The following SLC12A8 variants were observed in gnomAD, a reference collection of about 807,000 sequenced individuals.
The protein encoded by SLC12A8 is cation-chloride cotransporter 9.
A neutral mutation model predicts 75.6 loss-of-function variants in SLC12A8; 69 were observed. The observed-to-expected ratio is 0.91, with a 90% CI of 0.75 to 1.11. The LOEUF (loss-of-function observed/expected upper bound fraction) is 1.11, where lower values mean the gene tolerates loss of function less well. SLC12A8 is among the 50% of genes most tolerant of loss of function. SLC12A8 has a pLI of 0.00. For synonymous variants in SLC12A8, 365 were observed against 372.8 expected (o/e 0.98, Z 0.24); for missense variants, 877 against 896.7 (o/e 0.98, Z 0.28).
chr3:125,186,857 A>G (rs1934795638), intron 4 of SLC12A8, among the ~76,000 whole-genome samples: 1 of 152,232 alleles, frequency 6.6e-6, no homozygotes, highest in Admixed American at 6.5e-5. Flanking sequence ...CACAGGCAAA[A>G]TACCCATCTT....
chr3:125,187,322 C>T lies in SLC12A8; in HGVS notation c.305G>A (p.Gly102Asp), dbSNP rs371645144. 12 of 1,614,182 alleles carry T rather than the reference C, an allele frequency of 7.4e-6. No individual in the cohort carries two copies. The Admixed American group carries it at 1.0e-4, about 13-fold the overall frequency. ...GIGVGERSSI[G>D]SGGVYSMISS... The stretch of plus-strand genomic sequence containing the variant: ...GATCATGGAGTAGACGCCACCGCTG[C>T]CGATGCTGCTGCGCTCCCCGACGCC... Residue 102 changes from glycine (G) to aspartate (D), a missense_variant, in exon 4 of 14, where the codon GGC becomes GAC. Transcript: ENST00000469902.
intron 6 of SLC12A8, among the ~76,000 whole-genome samples, chr3:125,127,400 G>A (rs1358746649): frequency 1.3e-5 from 2 of 152,198 alleles, no homozygotes; most frequent in African/African-American, 2.4e-5. Flanking sequence ...AACATTATGT[G>A]TTCTCTCTTT....
At chr3:125,165,527 C>A (rs1019799272) in intron 5 of SLC12A8, among the ~76,000 whole-genome samples, 1 of 152,318 alleles carries the variant, frequency 6.6e-6, no homozygotes, top group Non-Finnish European at 1.5e-5. Context: ...GACGATTCTA[C>A]AGAATTTTGG....
At chr3:125,116,911 G>A (rs1357429990) in intron 8 of SLC12A8, among the ~76,000 whole-genome samples, 1 of 152,168 alleles carries the variant, frequency 6.6e-6, no homozygotes, top group African/African-American at 2.4e-5. Context: ...TAGAGAACAG[G>A]CCCTTGGGAG....
At chr3:125,135,817 G>T (rs1201897959) in intron 5 of SLC12A8, 35 bp from the exon 6 acceptor site, 4 of 1,257,526 alleles carry the variant, frequency 3.2e-6, no homozygotes, top group African/African-American at 1.5e-5. Context: ...CGTAAGCCCA[G>T]TGAGAAGACA....
intron 6 of SLC12A8, among the ~76,000 whole-genome samples, chr3:125,123,304 G>A (rs952656246): frequency 2.7e-5 from 4 of 149,282 alleles, no homozygotes; most frequent in Non-Finnish European, 1.5e-5. Context: ...GAGCCCAGGA[G>A]GTAGAAGTTG....
chr3:125,110,118 T>A, intron 9 of SLC12A8, 71 bp downstream of exon 9: 3 of 1,494,414 alleles, frequency 2.0e-6, no homozygotes. Flanking sequence ...CTTAACCAAT[T>A]GATGGGCCAA....
intron 5 of SLC12A8, among the ~76,000 whole-genome samples, chr3:125,175,064 G>A (rs1016746207): frequency 3.3e-5 from 5 of 152,096 alleles, no homozygotes; most frequent in African/African-American, 1.2e-4. Context: ...GGGTATGTGG[G>A]AACTTTTGTA....
intron 13 of SLC12A8, 57 bp downstream of exon 13, chr3:125,088,253 C>A: frequency 6.4e-7 from 1 of 1,574,646 alleles, no homozygotes; most frequent in South Asian, 1.1e-5. Flanking sequence ...ACCCTTGGCA[C>A]CTCCCAGGAC....
At chr3:125,127,921 G>C (rs1186216547) in intron 6 of SLC12A8, among the ~76,000 whole-genome samples, 5 of 151,916 alleles carry the variant, frequency 3.3e-5, no homozygotes, top group African/African-American at 9.7e-5. Flanking sequence ...TTTGTCGCCA[G>C]ATTGGAGTGC....
chr3:125,203,088 CAAAAAAAAAA>C (rs758212012), intron 2 of SLC12A8, among the ~76,000 whole-genome samples: 141 of 88,448 alleles, frequency 1.6e-3, no homozygotes, highest in Non-Finnish European at 2.4e-3. Flanking sequence ...GACTTCATCT[CAAAAAAAAAA>C]AAAAAAAAAA....
rs201509993 is a variant in SLC12A8 at position 125,107,634 on chromosome 3, C to T, written c.1552G>A (p.Glu518Lys). 1,627 of 1,614,122 alleles carry T rather than the reference C, an allele frequency of 1.0e-3. 2 individuals carry two copies. The highest frequency in any genetic ancestry group is 8.5e-4 in the Non-Finnish European group (1,003 of 1,180,018). ...GCAGCGGGCAACCTGTCAGAGATCT[C>T]GACAGGGAAAGAAGGAGGGGATTTG... ...DLKSPPSFPV[E>K]ISDRLPAASW... Residue 518 changes from glutamate (E) to lysine (K), a missense_variant, in exon 10 of 14, where the codon GAG (glutamate) becomes AAG (lysine). Transcript: ENST00000469902.
intron 5 of SLC12A8, among the ~76,000 whole-genome samples, chr3:125,173,264 A>C (rs770748892): frequency 7.2e-5 from 11 of 152,124 alleles, no homozygotes; most frequent in Non-Finnish European, 8.8e-5. Flanking sequence ...ACTTACTATA[A>C]AGCTGTAGTA....
chr3:125,120,452 C>G, intron 7 of SLC12A8, 147 bp downstream of exon 7: 1 of 715,682 alleles, frequency 1.4e-6, no homozygotes, highest in Non-Finnish European at 2.5e-6. Context: ...AATTTTCCAG[C>G]CCACCGAGTG....
At position 125,107,778 on chromosome 3, in the gene SLC12A8, T is replaced by G. The variant is rs765854148; in HGVS notation, c.1408A>C (p.Arg470=). ...CTGGGCTGGCTACTCTCAAGCTTCC[T>G]GGTTAGCTGGAGGAGCTGATCCATG... is the stretch of plus-strand genomic sequence containing the variant. ...KDMDQLLQLT[R]KLESSQPRQG... Residue 470 remains arginine (R), a synonymous_variant, in exon 10 of 14, where the codon AGG becomes CGG. Transcript: ENST00000469902. The G allele has an allele frequency of 5.6e-6, 9 of 1,614,214 alleles. No individual in the cohort carries two copies. The East Asian group carries it at 1.8e-4, about 32-fold the overall frequency.
intron 2 of SLC12A8, among the ~76,000 whole-genome samples, chr3:125,191,100 G>A (rs1269168937): frequency 6.6e-6 from 1 of 152,178 alleles, no homozygotes; most frequent in African/African-American, 2.4e-5. Context: ...AATCAGCCCT[G>A]TGGATGAGAT....
chr3:125,120,974 A>G, intron 6 of SLC12A8: 1 of 667,650 alleles, frequency 1.5e-6, no homozygotes. Context: ...GGGGGAGGAA[A>G]GCGGCTTGCA....
In SLC12A8 at chr3:125,094,497, G is replaced by A. The variant is rs997584666; in HGVS notation, c.1706-2299C>T. 3.3e-5 allele frequency among the ~76,000 whole-genome samples: 5 copies of A among 151,920 alleles called. 1 individual carries two copies. The highest frequency in any genetic ancestry group is 4.8e-5 in the African/African-American group (2 of 41,354). ...TCTATTCTGCCTTCCTTCCTTTCAC[G>A]GTGGATGAACAGCCTCTGATCCTAA... On this transcript the variant is annotated intron_variant, in intron 10 of 13. Transcript: ENST00000469902.
chr3:125,092,207 T>C lies in SLC12A8; in HGVS notation c.1706-9A>G. The C allele has an allele frequency of 6.2e-7, 1 of 1,605,704 alleles. No homozygotes were observed. The highest frequency in any genetic ancestry group is 8.5e-7 in the Non-Finnish European group (1 of 1,173,042). On this transcript the variant is annotated splice_polypyrimidine_tract_variant and intron_variant, in intron 10 of 13. Transcript: ENST00000469902. Reference sequence around the variant, plus strand: ...GGACTTCAGGAAGAAATCTAAAAAATAGCCAAAGATTTGGCTGCCAAATTG... The same window carrying C: ...GGACTTCAGGAAGAAATCTAAAAAACAGCCAAAGATTTGGCTGCCAAATTG...
Sources: gnomAD v4.1 joint callset for allele counts (sites outside exome capture counted in the v4.1 genomes callset) on GRCh38, gnomAD v4.1.1 for gene constraint, MANE v1.5 for transcripts, NCBI Gene and HGNC (gene_info 2026-07-23, HGNC 2026-07-21) for gene names.